LHFPL6: variants seen among roughly 807,000 people sequenced by gnomAD.
LHFPL6 encodes the protein LHFPL tetraspan subfamily member 6 protein.
LHFPL6 carries 9 observed loss-of-function variants against 20.6 expected under a neutral mutation model. The observed-to-expected ratio is 0.44, with a 90% CI of 0.26 to 0.76. The LOEUF (loss-of-function observed/expected upper bound fraction) is 0.76. Ranked by LOEUF, LHFPL6 falls within the 30% of genes least tolerant of loss-of-function variation. LHFPL6 has a pLI of 0.20. For missense variants in LHFPL6, 218 were observed against 253.5 expected, an observed-to-expected ratio of 0.86 and a Z score of 0.95; for synonymous variants, 105 against 98.7, an observed-to-expected ratio of 1.06 and a Z score of -0.38.
chr13:39,533,782 G>A (rs1453560675), intron 2 of LHFPL6, among the ~76,000 whole-genome samples: 1 of 152,132 alleles, frequency 6.6e-6, no homozygotes, highest in African/African-American at 2.4e-5. Context: ...AGACAATAAT[G>A]CTACAGATAC....
At position 39,507,047 on chromosome 13, in the gene LHFPL6, C is replaced by T. The variant is rs576000166; in HGVS notation, c.385+93785G>A. Among the ~76,000 whole-genome samples the T allele has an allele frequency of 2.6e-5, 4 of 152,222 alleles. No individual in the cohort carries two copies. The South Asian group carries it at 6.2e-4, about 24-fold the overall frequency. ...CACGTTTGTGCTTATAAAAGCTGTT[C>T]GGGTTATCCAAGCAATAGTTGGCCA... On this transcript the variant is annotated intron_variant, in intron 2 of 3. Transcript: ENST00000379589.
intron 2 of LHFPL6, among the ~76,000 whole-genome samples, chr13:39,500,303 C>G (rs1869249352): frequency 6.6e-6 from 1 of 152,118 alleles, no homozygotes; most frequent in Non-Finnish European, 1.5e-5. Flanking sequence ...CTCCTGGGCT[C>G]AAGATCCTTC....
chr13:39,535,265 T>A (rs12585456), intron 2 of LHFPL6, among the ~76,000 whole-genome samples: 18,513 of 152,236 alleles, frequency 0.12, 1,328 homozygotes, highest in East Asian at 0.28. Flanking sequence ...CATGTTTTTG[T>A]GAGAGGCAAT....
At chr13:39,552,710 C>T (rs973815493) in intron 2 of LHFPL6, among the ~76,000 whole-genome samples, 1 of 152,256 alleles carries the variant, frequency 6.6e-6, no homozygotes, top group South Asian at 2.1e-4. Context: ...CCAAGGGCAA[C>T]ATCTTGCAAT....
chr13:39,547,646 C>A (rs919867554), intron 2 of LHFPL6, among the ~76,000 whole-genome samples: 6 of 152,108 alleles, frequency 3.9e-5, no homozygotes, highest in Non-Finnish European at 7.4e-5. Context: ...GGATTCTGTG[C>A]TGCATGCTGC....
At chr13:39,545,382 C>A (rs1566137857) in intron 2 of LHFPL6, among the ~76,000 whole-genome samples, 1 of 152,018 alleles carries the variant, frequency 6.6e-6, no homozygotes, top group Non-Finnish European at 1.5e-5. Context: ...GTGTCCATTC[C>A]TAAAATGCAT....
chr13:39,391,248 A>G (rs1870701680), intron 2 of LHFPL6, among the ~76,000 whole-genome samples: 1 of 152,198 alleles, frequency 6.6e-6, no homozygotes, highest in African/African-American at 2.4e-5. Flanking sequence ...CCAGGTCTTT[A>G]CTACTGATTT....
intron 2 of LHFPL6, among the ~76,000 whole-genome samples, chr13:39,437,535 C>G (rs1871995060): frequency 1.3e-5 from 2 of 152,180 alleles, no homozygotes; most frequent in African/African-American, 4.8e-5. Flanking sequence ...TCTGCACAAC[C>G]TGAAGAACCA....
At chr13:39,385,502 G>A (rs766836467) in intron 2 of LHFPL6, among the ~76,000 whole-genome samples, 9 of 152,272 alleles carry the variant, frequency 5.9e-5, no homozygotes, top group Admixed American at 1.3e-4. Flanking sequence ...GGGCCCAAAC[G>A]TGAGCTTGGA....
Position 39,577,941 on chromosome 13 carries a change from G to T in LHFPL6, c.385+22891C>A, listed in dbSNP as rs930291940. 2.6e-5 allele frequency among the ~76,000 whole-genome samples: 4 copies of T among 152,002 alleles called. No homozygotes were observed. The East Asian group carries it at 7.7e-4, about 29-fold the overall frequency. On this transcript the variant is annotated intron_variant, in intron 2 of 3. Coordinates refer to ENST00000379589, the MANE Select transcript of LHFPL6 (RefSeq NM_005780.3). ...CAAGCATAAGCCTGTAATCCCATGAGCCCAGCCCCAACAACTCAATATTAA... is the reference window on the plus strand; with the variant it reads ...CAAGCATAAGCCTGTAATCCCATGATCCCAGCCCCAACAACTCAATATTAA...
chr13:39,562,643 TATATACACAC>T (rs1871570483), intron 2 of LHFPL6, among the ~76,000 whole-genome samples: 1 of 138,296 alleles, frequency 7.2e-6, no homozygotes, highest in African/African-American at 2.6e-5. Flanking sequence ...TATATACACA[TATATACACAC>T]ATATACACAT....
At chr13:39,397,491 T>C (rs1566102081) in intron 2 of LHFPL6, among the ~76,000 whole-genome samples, 1 of 152,240 alleles carries the variant, frequency 6.6e-6, no homozygotes, top group Non-Finnish European at 1.5e-5. Context: ...AAATAGCTTC[T>C]TTCTCCAAAG....
chr13:39,431,313 G>A (rs1432034295), intron 2 of LHFPL6, among the ~76,000 whole-genome samples: 1 of 151,870 alleles, frequency 6.6e-6, no homozygotes, highest in Admixed American at 6.6e-5. Context: ...AGAAACTCCA[G>A]ACACATCTGA....
At chr13:39,550,304 T>G (rs923840726) in intron 2 of LHFPL6, among the ~76,000 whole-genome samples, 1 of 152,118 alleles carries the variant, frequency 6.6e-6, no homozygotes, top group Non-Finnish European at 1.5e-5. Context: ...CTGGGAGTGA[T>G]GGATCCATGT....
chr13:39,402,109 C>T (rs1871008104), intron 2 of LHFPL6, among the ~76,000 whole-genome samples: 1 of 152,106 alleles, frequency 6.6e-6, no homozygotes, highest in African/African-American at 2.4e-5. Context: ...ATGTAAAATA[C>T]CTCATAATAT....
intron 2 of LHFPL6, among the ~76,000 whole-genome samples, chr13:39,401,366 A>C (rs1224788292): frequency 2.0e-5 from 3 of 152,156 alleles, no homozygotes; most frequent in African/African-American, 4.8e-5. Flanking sequence ...TTTCCACTTA[A>C]GAGGGGAAAT....
chr13:39,497,885 A>T (rs537280499), intron 2 of LHFPL6, among the ~76,000 whole-genome samples: 2 of 152,116 alleles, frequency 1.3e-5, no homozygotes, highest in African/African-American at 2.4e-5. Context: ...CTTCTCTGTC[A>T]TGTTGCCAAG....
intron 2 of LHFPL6, among the ~76,000 whole-genome samples, chr13:39,416,044 G>A (rs1363299452): frequency 6.6e-6 from 1 of 152,180 alleles, no homozygotes; most frequent in Non-Finnish European, 1.5e-5. Flanking sequence ...TCCAAGAAAT[G>A]AGATTATGCA....
intron 2 of LHFPL6, among the ~76,000 whole-genome samples, chr13:39,534,607 G>C (rs1228213334): frequency 6.6e-6 from 1 of 152,216 alleles, no homozygotes; most frequent in Non-Finnish European, 1.5e-5. Flanking sequence ...AGATGGGAAA[G>C]GAAGGTGGAA....
Sources: allele counts gnomAD v4.1 joint callset (sites outside exome capture counted in the v4.1 genomes callset), GRCh38; gene constraint gnomAD v4.1.1; transcripts MANE v1.5; gene names NCBI Gene and HGNC (gene_info 2026-07-23, HGNC 2026-07-21).